POU3F3: variants seen among roughly 807,000 people sequenced by gnomAD.
POU3F3 encodes POU domain, class 3, transcription factor 3.
POU3F3 carries 1 observed loss-of-function variant against 8.6 expected under a neutral mutation model. The observed-to-expected ratio is 0.12, with a 90% CI of 0.04 to 0.55. The LOEUF is 0.55. Among genes scored for constraint, POU3F3 ranks in the 20% least tolerant of loss-of-function variants. The pLI is 0.91. For missense variants in POU3F3, 577 were observed against 690.7 expected (o/e 0.84, Z 1.84); for synonymous variants, 418 against 327.4 (o/e 1.28, Z -2.99).
At chr2:104,886,382 T>G in the POU3F3 span, among the ~76,000 whole-genome samples, 1 of 152,162 alleles carries the variant, frequency 6.6e-6, no homozygotes, top group Non-Finnish European at 1.5e-5. Context: ...TACAGTGACA[T>G]GTTGTACAGG....
chr2:104,923,542 G>A, the POU3F3 span, among the ~76,000 whole-genome samples: 553 of 151,858 alleles, frequency 3.6e-3, 9 homozygotes, highest in Admixed American at 3.6e-3. Context: ...ATACACAAAA[G>A]GAAATGAGAA....
the POU3F3 span, among the ~76,000 whole-genome samples, chr2:104,882,563 G>T: frequency 6.6e-6 from 1 of 152,074 alleles, no homozygotes; most frequent in East Asian, 1.9e-4. Flanking sequence ...ATTTTTAACT[G>T]TGCTTTTCTT....
At chr2:104,872,233 G>A in the POU3F3 span, 7 of 456,442 alleles carry the variant, frequency 1.5e-5, no homozygotes, top group Admixed American at 1.6e-4. This position sits in a 1 kb window ranked among gnomAD's most constrained non-coding sequence, Gnocchi z 4.6. Flanking sequence ...GCTCCCCGGC[G>A]TTCTGGACTC....
the POU3F3 span, among the ~76,000 whole-genome samples, chr2:104,870,156 T>C: frequency 2.6e-5 from 4 of 152,190 alleles, no homozygotes; most frequent in African/African-American, 9.6e-5. Flanking sequence ...GCCCATTTCA[T>C]TCCACTGAGG....
At chr2:104,903,386 G>T in the POU3F3 span, among the ~76,000 whole-genome samples, 121 of 152,294 alleles carry the variant, frequency 7.9e-4, no homozygotes, top group African/African-American at 2.8e-3. Context: ...CTATTATAAT[G>T]AGAATCTGAA....
chr2:104,890,900 G>A, the POU3F3 span, among the ~76,000 whole-genome samples: 472 of 152,266 alleles, frequency 3.1e-3, 7 homozygotes, highest in East Asian at 0.027. Flanking sequence ...GGATGACTAC[G>A]GGAACCCTAT....
rs1676513808 is a variant in POU3F3, at chr2:104,854,843, G to A, written c.-668G>A. Among the ~76,000 whole-genome samples, 1 of 152,222 alleles carries A rather than the reference G, an allele frequency of 6.6e-6. No individual in the cohort carries two copies. The highest frequency in any genetic ancestry group is 2.1e-4 in the South Asian group (1 of 4,828). ...GAAAACGAGTGAAATGTGTTCCTGAGGAGGAGAGGAGAGGAGAGGAGAGAG... is the reference window on the plus strand; with the variant it reads ...GAAAACGAGTGAAATGTGTTCCTGAAGAGGAGAGGAGAGGAGAGGAGAGAG... On this transcript the variant is annotated 5_prime_UTR_variant, in exon 1 of 1. Transcript: ENST00000361360. This position sits in a 1 kb window ranked among gnomAD's most constrained non-coding sequence, Gnocchi z 4.5.
chr2:104,875,786 G>A, the POU3F3 span, among the ~76,000 whole-genome samples: 2 of 152,182 alleles, frequency 1.3e-5, no homozygotes, highest in East Asian at 3.9e-4. Context: ...GTGCAGTCTC[G>A]GCTCATTGCA....
the POU3F3 span, among the ~76,000 whole-genome samples, chr2:104,903,859 T>C: frequency 1.8e-4 from 28 of 152,290 alleles, no homozygotes; most frequent in Non-Finnish European, 3.8e-4. Flanking sequence ...ATCAGCTACA[T>C]TAAGATTTGG....
the POU3F3 span, among the ~76,000 whole-genome samples, chr2:104,877,660 CTTT>C: frequency 2.2e-5 from 3 of 138,826 alleles, no homozygotes; most frequent in Admixed American, 7.2e-5. Flanking sequence ...TTCTTTTTTT[CTTT>C]TTTTTTTTTT....
At chr2:104,880,109 G>A in the POU3F3 span, among the ~76,000 whole-genome samples, 6 of 152,202 alleles carry the variant, frequency 3.9e-5, no homozygotes, top group East Asian at 1.2e-3. Flanking sequence ...CTACCTTAGA[G>A]CTTATTCTTT....
At chr2:104,898,371 T>C in the POU3F3 span, among the ~76,000 whole-genome samples, 3 of 152,320 alleles carry the variant, frequency 2.0e-5, no homozygotes, top group South Asian at 6.2e-4. Context: ...TACGTTTTCC[T>C]GGGGATATTA....
At position 104,856,141 on chromosome 2, in the gene POU3F3, G is replaced by A. The variant is rs1435018704; in HGVS notation, c.631G>A (p.Gly211Arg). Residue 211 changes from glycine (G) to arginine (R), a missense_variant, in exon 1 of 1, where the codon GGG (glycine) becomes AGG (arginine). Around this residue, in one of 7 missense-constraint regions of POU3F3, gnomAD observed 484 missense variants for 422.6 expected, o/e 1.15. Transcript: ENST00000361360. ...AAAAHLPSMA[G>R]GQQPPPQSLL... ...CGCCGCGCACCTCCCGTCCATGGCC[G>A]GGGGCCAGCAGCCGCCGCCGCAGAG... 4.1e-6 allele frequency: 5 copies of A among 1,211,922 alleles called. No homozygotes were observed. The highest frequency in any genetic ancestry group is 5.1e-6 in the Non-Finnish European group (5 of 973,868). 75.1% of individuals were successfully genotyped at this position (1,211,922 alleles called of 1,614,324 possible). A position where few individuals can be genotyped will look rare whatever the true frequency, so the allele number is the denominator to read the frequency against.
chr2:104,888,936 C>T, the POU3F3 span, among the ~76,000 whole-genome samples: 4 of 152,190 alleles, frequency 2.6e-5, no homozygotes, highest in African/African-American at 9.7e-5. Context: ...TGTTTGTTTC[C>T]AGCTGTCCTA....
chr2:104,883,478 C>T, the POU3F3 span, among the ~76,000 whole-genome samples: 4 of 152,208 alleles, frequency 2.6e-5, no homozygotes, highest in Admixed American at 6.5e-5. Flanking sequence ...CAGGTCTTTC[C>T]TCTGTGGGAG....
the POU3F3 span, among the ~76,000 whole-genome samples, chr2:104,910,114 T>C: frequency 6.6e-6 from 1 of 152,206 alleles, no homozygotes; most frequent in African/African-American, 2.4e-5. Flanking sequence ...AACTTGGCTT[T>C]GGTGATAATT....
At chr2:104,889,771 A>C in the POU3F3 span, among the ~76,000 whole-genome samples, 2 of 152,276 alleles carry the variant, frequency 1.3e-5, no homozygotes, top group Non-Finnish European at 2.9e-5. Flanking sequence ...AGTGCCAGGC[A>C]AACGCTTGTT....
At chr2:104,913,441 CACT>C in the POU3F3 span, among the ~76,000 whole-genome samples, 4 of 152,240 alleles carry the variant, frequency 2.6e-5, no homozygotes, top group African/African-American at 9.6e-5. Flanking sequence ...GAGGCTTGGG[CACT>C]GACTAAGGCC....
the POU3F3 span, among the ~76,000 whole-genome samples, chr2:104,878,806 G>T: frequency 6.6e-6 from 1 of 152,118 alleles, no homozygotes; most frequent in African/African-American, 2.4e-5. Flanking sequence ...TGCTCTGTTT[G>T]GTCCTGAGAG....
Sources: gnomAD v4.1 joint callset for allele counts (sites outside exome capture counted in the v4.1 genomes callset) on GRCh38, gnomAD v4.1.1 for gene constraint, gnomAD v4.1.1 regional missense constraint, Gnocchi (gnomAD v3.1) non-coding constraint, MANE v1.5 for transcripts, NCBI Gene and HGNC (gene_info 2026-07-23, HGNC 2026-07-21) for gene names.